The following ARHGEF28 variants were observed in gnomAD, a reference collection of about 807,000 sequenced individuals.
ARHGEF28 encodes the protein 190 kDa guanine nucleotide exchange factor.
Under a neutral mutation model 206.6 loss-of-function variants are expected in ARHGEF28, and 152 were observed. The observed-to-expected ratio is 0.74, with a 90% CI of 0.64 to 0.84. The LOEUF is 0.84. Among genes scored for constraint, ARHGEF28 ranks in the 40% least tolerant of loss-of-function variants. The pLI is 0.00. For synonymous variants in ARHGEF28, 763 were observed against 776.4 expected (o/e 0.98, Z 0.29); for missense variants, 2,028 against 2,073.2 (o/e 0.98, Z 0.42).
chr5:73,768,782 CA>C (rs1262663538), intron 4 of ARHGEF28, among the ~76,000 whole-genome samples: 1 of 151,978 alleles, frequency 6.6e-6, no homozygotes, highest in Non-Finnish European at 1.5e-5. Flanking sequence ...TGGGAGGGGC[CA>C]GGGGAAGAAT....
intron 2 of ARHGEF28, among the ~76,000 whole-genome samples, chr5:73,736,056 A>G (rs6883069): frequency 1.5e-3 from 234 of 152,318 alleles, no homozygotes; most frequent in African/African-American, 5.4e-3. Context: ...TCTTCATACC[A>G]TCTGTGCCTA....
chr5:73,636,746 C>T, intron 1 of ARHGEF28, among the ~76,000 whole-genome samples: 1 of 152,188 alleles, frequency 6.6e-6, no homozygotes, highest in Non-Finnish European at 1.5e-5. Context: ...GTCATATCAC[C>T]TTTCTCGGCT....
intron 2 of ARHGEF28, among the ~76,000 whole-genome samples, chr5:73,717,672 G>A (rs1031046233): frequency 1.3e-5 from 2 of 152,164 alleles, no homozygotes; most frequent in Non-Finnish European, 2.9e-5. Flanking sequence ...GTCAGGTATT[G>A]CACTAGGTGC....
At chr5:73,694,955 A>G (rs1047738846) in intron 2 of ARHGEF28, among the ~76,000 whole-genome samples, 6 of 152,238 alleles carry the variant, frequency 3.9e-5, no homozygotes, top group Non-Finnish European at 7.3e-5. Context: ...AGAATTTCAG[A>G]TGGTAGTATG....
intron 35 of ARHGEF28, among the ~76,000 whole-genome samples, chr5:73,918,436 T>C (rs1763337735): frequency 6.6e-6 from 1 of 152,230 alleles, no homozygotes; most frequent in Non-Finnish European, 1.5e-5. Flanking sequence ...TTTGGAATGT[T>C]CACCTTTGGG....
At chr5:73,673,500 C>T (rs1334178033) in intron 1 of ARHGEF28, among the ~76,000 whole-genome samples, 1 of 151,994 alleles carries the variant, frequency 6.6e-6, no homozygotes, top group Non-Finnish European at 1.5e-5. Flanking sequence ...ATTCCTGATC[C>T]CTGGAGGTTT....
chr5:73,722,584 AAAT>A (rs1441225092), intron 2 of ARHGEF28, among the ~76,000 whole-genome samples: 2 of 152,236 alleles, frequency 1.3e-5, no homozygotes, highest in African/African-American at 4.8e-5. Flanking sequence ...TGGGACATGA[AAAT>A]AATGGGTGTG....
chr5:73,794,062 T>C (rs1754644791), intron 7 of ARHGEF28, among the ~76,000 whole-genome samples: 1 of 152,228 alleles, frequency 6.6e-6, no homozygotes, highest in Non-Finnish European at 1.5e-5. Context: ...AGTCACGTCC[T>C]TACAATCTGC....
intron 13 of ARHGEF28, among the ~76,000 whole-genome samples, chr5:73,849,635 T>C (rs2112594928): frequency 1.4e-5 from 2 of 147,590 alleles, no homozygotes. Context: ...ATAAACTTAA[T>C]TTAAATGTAG....
rs114929272 is a variant in ARHGEF28, at chr5:73,940,914, G to A, written c.5019G>A (p.Ala1673=). 17,989 of 1,534,522 alleles carry A rather than the reference G, an allele frequency of 0.012. 138 individuals are homozygous for A. The highest frequency in any genetic ancestry group is 0.013 in the Non-Finnish European group (15,469 of 1,146,548). The change falls in exon 36 of 36, where the codon GCG becomes GCA. Residue 1673 remains alanine (A), a synonymous_variant. Transcript: ENST00000513042. ...ATTCACACCGCCCTCAACTGCAGGC[G>A]TTTATAACAGAAGCAAAGCTAAATC... is the stretch of plus-strand genomic sequence containing the variant. ...DSNSHRPQLQ[A]FITEAKLNLP...
chr5:73,927,143 T>A lies in ARHGEF28; in HGVS notation c.4949-13701T>A, dbSNP rs147205085. Among the ~76,000 whole-genome samples the A allele has an allele frequency of 6.4e-3, 972 of 152,096 alleles. 15 individuals are homozygous for A. Among genetic ancestry groups the A allele is most frequent in the African/African-American group, 0.022 (928 of 41,490 alleles). On this transcript the variant is annotated intron_variant, in intron 35 of 35. Transcript: ENST00000513042. ...TGGGAGGCTGATGTGGAAGGATTGC[T>A]TGAGCCCAGGAGTTCAAGACCAGCT...
intron 4 of ARHGEF28, among the ~76,000 whole-genome samples, chr5:73,765,993 A>G (rs1752875257): frequency 6.6e-6 from 1 of 152,132 alleles, no homozygotes; most frequent in African/African-American, 2.4e-5. Context: ...TCTACTAAAA[A>G]TACAAAAAAT....
Position 73,915,668 on chromosome 5 carries a change from T to C in ARHGEF28, c.4948+4093T>C, listed in dbSNP as rs148679247. Among the ~76,000 whole-genome samples the C allele has an allele frequency of 9.8e-5, 15 of 152,292 alleles. 1 individual carries two copies. The highest frequency in any genetic ancestry group is 3.4e-4 in the African/African-American group (14 of 41,574). ...AACAACAATAAAAAAACCCAACATT[T>C]TATTCTTGTGGCTTTTTTTCTCCTA... is the stretch of plus-strand genomic sequence containing the variant. On this transcript the variant is annotated intron_variant, in intron 35 of 35. Coordinates refer to ENST00000513042, the MANE Select transcript of ARHGEF28 (RefSeq NM_001177693.2).
At position 73,863,957 on chromosome 5, in the gene ARHGEF28, T is replaced by G. The variant is rs185297311; in HGVS notation, c.2048-860T>G. 4.7e-3 allele frequency among the ~76,000 whole-genome samples: 710 copies of G among 152,198 alleles called. 9 individuals are homozygous for G. The highest frequency in any genetic ancestry group is 0.016 in the African/African-American group (664 of 41,538). ...AGCTTCCTGCCCAGTTCTTGTTGGGTCACTGGCATTTATGCAGTGTGGCTT... is the reference window on the plus strand; with the variant it reads ...AGCTTCCTGCCCAGTTCTTGTTGGGGCACTGGCATTTATGCAGTGTGGCTT... On this transcript the variant is annotated intron_variant, in intron 16 of 35. Coordinates refer to ENST00000513042, the MANE Select transcript of ARHGEF28 (RefSeq NM_001177693.2).
At chr5:73,713,292 G>A (rs775381923) in intron 2 of ARHGEF28, among the ~76,000 whole-genome samples, 17 of 152,016 alleles carry the variant, frequency 1.1e-4, no homozygotes, top group Non-Finnish European at 1.9e-4. Flanking sequence ...TCTCTATTTT[G>A]CTTTCTTCAT....
intron 2 of ARHGEF28, among the ~76,000 whole-genome samples, chr5:73,743,793 C>A (rs73762195): frequency 0.014 from 2,151 of 152,212 alleles, 43 homozygotes; most frequent in African/African-American, 0.048. Flanking sequence ...GATTAGGGTA[C>A]ATTTCCCCTC....
chr5:73,655,905 ATGGT>A (rs1308660263), intron 1 of ARHGEF28, among the ~76,000 whole-genome samples: 1 of 152,150 alleles, frequency 6.6e-6, no homozygotes, highest in African/African-American at 2.4e-5. Context: ...TTCTCACAAA[ATGGT>A]TGATGTGGTT....
At position 73,886,110 on chromosome 5, in the gene ARHGEF28, G is replaced by A. The variant is rs1264179697; in HGVS notation, c.3310+6G>A. Reference sequence around the variant, plus strand: ...TGCTACAGGTCGTTTCAAAGGTACTGTGGCTCTACCAGACCAATTTCTCCC... The same window carrying A: ...TGCTACAGGTCGTTTCAAAGGTACTATGGCTCTACCAGACCAATTTCTCCC... On this transcript the variant is annotated splice_donor_region_variant and intron_variant, in intron 25 of 35. Coordinates refer to ENST00000513042, the MANE Select transcript of ARHGEF28 (RefSeq NM_001177693.2). The A allele has an allele frequency of 6.2e-7, 1 of 1,608,814 alleles. No individual in the cohort carries two copies. The highest frequency in any genetic ancestry group is 1.3e-5 in the African/African-American group (1 of 74,670).
At chr5:73,937,028 A>G (rs1417385037) in intron 35 of ARHGEF28, among the ~76,000 whole-genome samples, 2 of 152,234 alleles carry the variant, frequency 1.3e-5, no homozygotes, top group Non-Finnish European at 2.9e-5. Context: ...AAATGTCAGT[A>G]TTGGGTAAAC....
Sources: gnomAD v4.1 joint callset for allele counts (sites outside exome capture counted in the v4.1 genomes callset) on GRCh38, gnomAD v4.1.1 for gene constraint, MANE v1.5 for transcripts, NCBI Gene and HGNC (gene_info 2026-07-23, HGNC 2026-07-21) for gene names.